Variants in RNFT2 observed in about 807,000 individuals in gnomAD.
The protein encoded by RNFT2 is ring finger protein, transmembrane 2.
Under a neutral mutation model 53.0 loss-of-function variants are expected in RNFT2, and 36 were observed. The ratio of observed to expected loss-of-function variants is 0.68; its 90% CI spans 0.52 to 0.90. RNFT2 has a LOEUF of 0.90. Ranked by LOEUF, RNFT2 falls within the 40% of genes least tolerant of loss-of-function variation. The pLI is 0.00. For missense variants in RNFT2, 514 were observed against 585.6 expected, an observed-to-expected ratio of 0.88 and a Z score of 1.26; for synonymous variants, 260 against 253.2, an observed-to-expected ratio of 1.03 and a Z score of -0.26.
At chr12:116,784,457 C>A (rs1873845093) in intron 7 of RNFT2, among the ~76,000 whole-genome samples, 1 of 152,142 alleles carries the variant, frequency 6.6e-6, no homozygotes, top group Non-Finnish European at 1.5e-5. Context: ...CAACTGTTGC[C>A]AAGGAGGAGG....
intron 5 of RNFT2, among the ~76,000 whole-genome samples, chr12:116,756,981 A>T (rs4767447): frequency 0.95 from 143,888 of 152,250 alleles, 67,995 homozygotes; most frequent in Admixed American, 0.96. Context: ...GGTAATTTTT[A>T]AATTACCATT....
At chr12:116,758,420 A>T (rs925779745) in intron 5 of RNFT2, among the ~76,000 whole-genome samples, 1 of 151,820 alleles carries the variant, frequency 6.6e-6, no homozygotes, top group African/African-American at 2.4e-5. Context: ...TTTAACTTGT[A>T]TTTTTGTTTT....
chr12:116,822,929 A>G (rs1463916949), intron 7 of RNFT2, among the ~76,000 whole-genome samples: 1 of 152,218 alleles, frequency 6.6e-6, no homozygotes, highest in Non-Finnish European at 1.5e-5. Context: ...CCCAGGAGGC[A>G]GAGATTGCAG....
chr12:116,845,079 C>CA (rs1202350751), intron 10 of RNFT2, among the ~76,000 whole-genome samples: 2 of 151,206 alleles, frequency 1.3e-5, no homozygotes, highest in African/African-American at 4.9e-5. Flanking sequence ...TCCATTTCCA[C>CA]AAAAAAATTA....
intron 7 of RNFT2, among the ~76,000 whole-genome samples, chr12:116,805,003 C>A (rs1347392590): frequency 1.3e-5 from 2 of 152,098 alleles, no homozygotes; most frequent in African/African-American, 2.4e-5. Flanking sequence ...ACACTTCTTC[C>A]AATGCTGGAT....
At chr12:116,820,373 T>C (rs4767458) in intron 7 of RNFT2, among the ~76,000 whole-genome samples, 140,460 of 152,302 alleles carry the variant, frequency 0.92, 64,800 homozygotes, top group East Asian at 0.94. Context: ...TGAGCCACCA[T>C]GCCCAGCTAT....
At chr12:116,811,292 G>A (rs1875360271) in intron 7 of RNFT2, among the ~76,000 whole-genome samples, 2 of 151,924 alleles carry the variant, frequency 1.3e-5, no homozygotes, top group Admixed American at 6.6e-5. Flanking sequence ...GAGACTGGAG[G>A]TGATTTAAAA....
intron 6 of RNFT2, among the ~76,000 whole-genome samples, 171 bp from the exon 7 acceptor site, chr12:116,779,024 G>A (rs140650442): frequency 4.6e-5 from 7 of 152,302 alleles, no homozygotes; most frequent in African/African-American, 4.8e-5. Context: ...AAAGATCCAC[G>A]TGAGGTCACA....
chr12:116,820,396 T>A (rs533185592), intron 7 of RNFT2, among the ~76,000 whole-genome samples: 1 of 152,332 alleles, frequency 6.6e-6, no homozygotes, highest in African/African-American at 2.4e-5. Flanking sequence ...CTGTGTATTT[T>A]AGACTTTCAG....
chr12:116,773,697 G>A (rs1447534451), intron 6 of RNFT2, among the ~76,000 whole-genome samples: 2 of 152,164 alleles, frequency 1.3e-5, no homozygotes, highest in Non-Finnish European at 2.9e-5. Context: ...AATCTGTAGA[G>A]GGTGTAAGGG....
At chr12:116,810,222 A>G (rs1341700699) in intron 7 of RNFT2, among the ~76,000 whole-genome samples, 2 of 152,078 alleles carry the variant, frequency 1.3e-5, no homozygotes, top group African/African-American at 4.8e-5. Flanking sequence ...CAGAGAATGG[A>G]CACCTAAACC....
chr12:116,818,021 G>A, intron 7 of RNFT2, among the ~76,000 whole-genome samples: 1 of 152,150 alleles, frequency 6.6e-6, no homozygotes, highest in African/African-American at 2.4e-5. Flanking sequence ...TGGAGAATTC[G>A]TTTAGGGAAA....
At chr12:116,751,381 T>G (rs192874885) in intron 4 of RNFT2, among the ~76,000 whole-genome samples, 13 of 152,136 alleles carry the variant, frequency 8.5e-5, no homozygotes, top group African/African-American at 3.1e-4. Flanking sequence ...CAACAGTCAA[T>G]AATTGGCCTC....
chr12:116,755,046 C>T (rs868481514), intron 5 of RNFT2, among the ~76,000 whole-genome samples: 1 of 152,200 alleles, frequency 6.6e-6, no homozygotes, highest in African/African-American at 2.4e-5. Context: ...GGTTCTTGGT[C>T]ATGAAATCCT....
rs1157924166 is a variant in RNFT2, at chr12:116,851,737, T to C, written c.*2289T>C. ...ACCTGGGTGACAGAGTGAGTGAGAC[T>C]CTGTCTAAAAAAAAAAAGAAAGAAA... is the stretch of plus-strand genomic sequence containing the variant. On this transcript the variant is annotated 3_prime_UTR_variant, in exon 11 of 11. Transcript: ENST00000257575. The C allele has an allele frequency of 2.8e-6, 2 of 713,442 alleles. No homozygotes were observed. The highest frequency in any genetic ancestry group is 2.5e-6 in the Non-Finnish European group (1 of 403,778). 44.2% of individuals were successfully genotyped at this position (713,442 alleles called of 1,614,324 possible). A position where few individuals can be genotyped will look rare whatever the true frequency, so the allele number is the denominator to read the frequency against.
At chr12:116,835,048 C>T (rs1339597279) in intron 8 of RNFT2, among the ~76,000 whole-genome samples, 1 of 152,036 alleles carries the variant, frequency 6.6e-6, no homozygotes, top group Non-Finnish European at 1.5e-5. Context: ...TGGTGTTTTA[C>T]CATGTTGGCC....
At chr12:116,770,875 T>G (rs1243277883) in intron 6 of RNFT2, among the ~76,000 whole-genome samples, 1 of 152,138 alleles carries the variant, frequency 6.6e-6, no homozygotes, top group Non-Finnish European at 1.5e-5. Flanking sequence ...CATTCATTCA[T>G]TCTTTCATTC....
chr12:116,801,808 GT>G (rs1425053701), intron 7 of RNFT2, among the ~76,000 whole-genome samples: 2 of 102,688 alleles, frequency 1.9e-5, no homozygotes, highest in Non-Finnish European at 3.3e-5. Context: ...GGTTTTTTTT[GT>G]TTGTTTGTTT....
chr12:116,819,636 C>T (rs1235861518), intron 7 of RNFT2, among the ~76,000 whole-genome samples: 1 of 152,166 alleles, frequency 6.6e-6, no homozygotes, highest in Admixed American at 6.5e-5. Flanking sequence ...CGGCAGCACC[C>T]GTTGCCAGGC....
Sources: allele counts gnomAD v4.1 joint callset (sites outside exome capture counted in the v4.1 genomes callset), GRCh38; gene constraint gnomAD v4.1.1; transcripts MANE v1.5; gene names NCBI Gene and HGNC (gene_info 2026-07-23, HGNC 2026-07-21).